The following TPTE variants were observed in gnomAD, a reference collection of about 807,000 sequenced individuals.
TPTE encodes the protein putative tyrosine-protein phosphatase TPTE.
Under a neutral mutation model 84.1 loss-of-function variants are expected in TPTE, and 59 were observed. The observed-to-expected ratio is 0.70, with a 90% CI of 0.57 to 0.87. TPTE has a LOEUF of 0.87. TPTE is among the 40% of genes least tolerant of loss of function. The pLI, the probability that TPTE is intolerant of heterozygous loss-of-function variation, is 0.00. For synonymous variants in TPTE, 130 were observed against 223.5 expected, an observed-to-expected ratio of 0.58 and a Z score of 3.73; for missense variants, 382 against 659.6, an observed-to-expected ratio of 0.58 and a Z score of 4.61.
chr21:10,547,733 G>T (rs1314146692), intron 7 of TPTE, among the ~76,000 whole-genome samples: 2 of 152,430 alleles, frequency 1.3e-5, no homozygotes, highest in African/African-American at 4.8e-5. Context: ...AAGCCCACAT[G>T]GGTGGGTTAA....
intron 3 of TPTE, among the ~76,000 whole-genome samples, chr21:10,537,782 G>C (rs2074294086): frequency 1.3e-5 from 2 of 152,306 alleles, no homozygotes; most frequent in Admixed American, 6.5e-5. Flanking sequence ...ATACCTATAT[G>C]CATTCATATT....
intron 21 of TPTE, among the ~76,000 whole-genome samples, 154 bp from the exon 22 acceptor site, chr21:10,601,904 A>G (rs572722815): frequency 6.6e-6 from 1 of 152,426 alleles, no homozygotes; most frequent in African/African-American, 2.4e-5. Context: ...TATTGCAACT[A>G]GAAGAGATTA....
chr21:10,541,039 C>T (rs2074359588), intron 4 of TPTE, 73 bp from the exon 5 acceptor site: 4 of 1,593,048 alleles, frequency 2.5e-6, no homozygotes, highest in Non-Finnish European at 3.4e-6. Flanking sequence ...GACACATAGA[C>T]TAACTGTAGC....
chr21:10,568,445 G>C (rs1278688865), intron 11 of TPTE, among the ~76,000 whole-genome samples: 1 of 152,430 alleles, frequency 6.6e-6, no homozygotes, highest in African/African-American at 2.4e-5. Flanking sequence ...GGAAACTAAA[G>C]AGTATATGAA....
intron 21 of TPTE, among the ~76,000 whole-genome samples, chr21:10,600,100 C>T (rs1286172823): frequency 1.1e-4 from 16 of 152,352 alleles, no homozygotes; most frequent in East Asian, 5.8e-4. Context: ...CCACGCTGCC[C>T]GACATTATTT....
chr21:10,566,925 C>T (rs184283077), intron 10 of TPTE, among the ~76,000 whole-genome samples: 2,021 of 149,974 alleles, frequency 0.013, no homozygotes, highest in Non-Finnish European at 0.02. Context: ...TGCAGTGAGC[C>T]GAGATCACGC....
At chr21:10,593,768 C>A (rs1311337495) in intron 19 of TPTE, among the ~76,000 whole-genome samples, 1 of 152,312 alleles carries the variant, frequency 6.6e-6, no homozygotes, top group Non-Finnish European at 1.5e-5. Flanking sequence ...TTCTATATTG[C>A]CCCTGAAACC....
intron 23 of TPTE, among the ~76,000 whole-genome samples, chr21:10,604,206 T>A (rs1978981430): frequency 6.6e-6 from 1 of 152,312 alleles, no homozygotes. Context: ...TCTGAAAAAT[T>A]ATTAATTGGA....
chr21:10,575,277 C>T (rs1468488759), intron 14 of TPTE, among the ~76,000 whole-genome samples: 1 of 152,310 alleles, frequency 6.6e-6, no homozygotes, highest in African/African-American at 2.4e-5. Flanking sequence ...AGCAGGACCC[C>T]AATCAATTCC....
chr21:10,564,039 A>T (rs959922418), intron 10 of TPTE, among the ~76,000 whole-genome samples: 1 of 152,306 alleles, frequency 6.6e-6, no homozygotes, highest in African/African-American at 2.4e-5. Flanking sequence ...CCGTAGTCCC[A>T]GCTACTCAGG....
intron 7 of TPTE, among the ~76,000 whole-genome samples, chr21:10,548,160 A>G (rs866049784): frequency 3.3e-5 from 5 of 152,292 alleles, no homozygotes; most frequent in African/African-American, 1.2e-4. Context: ...GAGACAAGCA[A>G]CTGTGTATGC....
intron 8 of TPTE, among the ~76,000 whole-genome samples, chr21:10,553,726 G>A (rs1330416493): frequency 1.3e-5 from 2 of 152,310 alleles, no homozygotes; most frequent in African/African-American, 4.8e-5. Context: ...TGGATTTATA[G>A]TAAAAGCTGG....
intron 17 of TPTE, among the ~76,000 whole-genome samples, chr21:10,581,016 T>A (rs1344809878): frequency 6.6e-6 from 1 of 152,308 alleles, no homozygotes; most frequent in African/African-American, 2.4e-5. Flanking sequence ...TCAATTTTTA[T>A]ATCAAATTCC....
intron 10 of TPTE, among the ~76,000 whole-genome samples, chr21:10,566,056 G>A (rs1158583159): frequency 6.6e-6 from 1 of 152,304 alleles, no homozygotes; most frequent in Non-Finnish European, 1.5e-5. Context: ...GAAACGATTA[G>A]CAAAGTGAAG....
Position 10,590,514 on chromosome 21 carries a change from A to T in TPTE, c.1080A>T (p.Ser360=). The change falls in exon 18 of 24, where the codon TCA becomes TCT. Residue 360 remains serine (S), a synonymous_variant. Coordinates refer to ENST00000618007, the MANE Select transcript of TPTE (RefSeq NM_199261.4). ...TCCTTATTGCCTCTGAAATATGTTC[A>T]ACTGCAAAGGTATGAAAGATGTTCT... ...CAFLIASEIC[S]TAKESLYYFG... 3 of 1,614,110 alleles carry T rather than the reference A, an allele frequency of 1.9e-6. No homozygotes were observed. The highest frequency in any genetic ancestry group is 2.5e-6 in the Non-Finnish European group (3 of 1,179,928).
intron 3 of TPTE, among the ~76,000 whole-genome samples, chr21:10,535,204 T>C (rs1377136053): frequency 6.6e-6 from 1 of 152,420 alleles, no homozygotes; most frequent in East Asian, 1.9e-4. Context: ...AATATGCTTT[T>C]ATAATTCCCC....
chr21:10,583,990 A>C (rs1453545112), intron 17 of TPTE, among the ~76,000 whole-genome samples: 1 of 152,310 alleles, frequency 6.6e-6, no homozygotes, highest in Non-Finnish European at 1.5e-5. Flanking sequence ...TTCCATATAA[A>C]TTTGGGAATC....
At chr21:10,555,319 G>C (rs147886611) in intron 8 of TPTE, among the ~76,000 whole-genome samples, 1 of 152,252 alleles carries the variant, frequency 6.6e-6, no homozygotes, top group Non-Finnish European at 1.5e-5. Flanking sequence ...CGATTCTCCT[G>C]CCTCAGCCTC....
chr21:10,592,432 T>G, intron 19 of TPTE, 59 bp downstream of exon 19: 1 of 1,590,824 alleles, frequency 6.3e-7, no homozygotes, highest in South Asian at 1.1e-5. Context: ...GATTGCCACC[T>G]GTTATTTGGT....
Sources: gnomAD v4.1 joint callset for allele counts (sites outside exome capture counted in the v4.1 genomes callset) on GRCh38, gnomAD v4.1.1 for gene constraint, MANE v1.5 for transcripts, NCBI Gene and HGNC (gene_info 2026-07-23, HGNC 2026-07-21) for gene names.